Variants in PARP11 observed in about 807,000 individuals in gnomAD.
The protein encoded by PARP11 is poly(ADP-ribose) polymerase family member 11, also known as protein mono-ADP-ribosyltransferase PARP11.
Under a neutral mutation model 42.9 loss-of-function variants are expected in PARP11, and 31 were observed. That is an observed-to-expected ratio of 0.72 (90% CI 0.54 to 0.98). The LOEUF (loss-of-function observed/expected upper bound fraction) is 0.98, where lower values mean the gene tolerates loss of function less well. Among genes scored for constraint, PARP11 ranks in the 50% least tolerant of loss-of-function variants. The pLI, the probability that PARP11 is intolerant of heterozygous loss-of-function variation, is 0.00. For missense variants in PARP11, 365 were observed against 413.1 expected, an observed-to-expected ratio of 0.88 and a Z score of 1.01; for synonymous variants, 137 against 127.3, an observed-to-expected ratio of 1.08 and a Z score of -0.51.
Position 3,826,247 on chromosome 12 carries a change from CAAGAT to C in PARP11, c.269-19_269-15del, listed in dbSNP as rs977654584. 13 of 1,561,574 alleles carry C rather than the reference CAAGAT, an allele frequency of 8.3e-6. No homozygotes were observed. The African/African-American group carries it at 1.5e-4, about 18-fold the overall frequency. Reference sequence around the variant, plus strand: ...TTTGCTTCATTTCTGTATACAAAGACAAGATATTAGATAAGTCATAAAAGTACACT... The same window carrying C: ...TTTGCTTCATTTCTGTATACAAAGACATTAGATAAGTCATAAAAGTACACT... On this transcript the variant is annotated splice_polypyrimidine_tract_variant and intron_variant, in intron 3 of 7. Transcript: ENST00000228820.
chr12:3,852,156 G>C (rs1357815869), intron 1 of PARP11, among the ~76,000 whole-genome samples: 1 of 152,200 alleles, frequency 6.6e-6, no homozygotes, highest in Non-Finnish European at 1.5e-5. Flanking sequence ...ACCAAAGGTA[G>C]ATAAAACCAC....
Position 3,826,205 on chromosome 12 carries a change from T to C in PARP11, c.297A>G (p.Gly99=), listed in dbSNP as rs1188919083. 7.5e-6 allele frequency: 12 copies of C among 1,598,034 alleles called. No homozygotes were observed. Among genetic ancestry groups the C allele is most frequent in the Non-Finnish European group, 1.0e-5 (12 of 1,175,292 alleles). The change falls in exon 4 of 8, where the codon GGA becomes GGG. Residue 99 remains glycine (G), a synonymous_variant. Transcript: ENST00000228820. ...GGGCTCTTTTTATTAAGCGCTGCTTTCCAGTGGTGAGATTCATTTGCTTCA... is the reference window on the plus strand; with the variant it reads ...GGGCTCTTTTTATTAAGCGCTGCTTCCCAGTGGTGAGATTCATTTGCTTCA... ...AEMKQMNLTT[G]KQRLIKRAPF... is the part of the protein sequence containing the mutation.
chr12:3,872,592 A>G, intron 1 of PARP11: 1 of 985,378 alleles, frequency 1.0e-6, no homozygotes, highest in Non-Finnish European at 1.2e-6. Flanking sequence ...ACATCTAAGA[A>G]CATACAGTCC....
At chr12:3,827,792 A>G (rs1947557761) in intron 3 of PARP11, among the ~76,000 whole-genome samples, 1 of 152,158 alleles carries the variant, frequency 6.6e-6, no homozygotes, top group African/African-American at 2.4e-5. Flanking sequence ...GGATTTCCTA[A>G]CGTTTCACCA....
At chr12:3,841,704 C>T in intron 1 of PARP11, 1 of 1,612,994 alleles carries the variant, frequency 6.2e-7, no homozygotes, top group Non-Finnish European at 8.5e-7. Flanking sequence ...CTTTTGGACC[C>T]AATCCATTCT....
intron 1 of PARP11, among the ~76,000 whole-genome samples, chr12:3,859,915 T>C (rs1464653693): frequency 6.6e-6 from 1 of 152,200 alleles, no homozygotes; most frequent in African/African-American, 2.4e-5. Flanking sequence ...GTTATAAAGA[T>C]AACATGCATT....
chr12:3,828,210 A>C (rs191351727), intron 3 of PARP11, among the ~76,000 whole-genome samples: 116 of 152,348 alleles, frequency 7.6e-4, no homozygotes, highest in African/African-American at 2.6e-3. Context: ...AACTATTGCC[A>C]GCTACCTATG....
chr12:3,857,597 G>C (rs1271067217), intron 1 of PARP11, among the ~76,000 whole-genome samples: 1 of 151,318 alleles, frequency 6.6e-6, no homozygotes, highest in South Asian at 2.1e-4. Context: ...CGTCCTCACT[G>C]TATTCAAGGA....
At chr12:3,849,601 G>T (rs1396611356) in intron 1 of PARP11, among the ~76,000 whole-genome samples, 10 of 152,144 alleles carry the variant, frequency 6.6e-5, no homozygotes, top group Admixed American at 1.3e-4. Context: ...AGCTAAATAA[G>T]TGGAACTCAT....
At chr12:3,847,487 C>T (rs1303364121) in intron 1 of PARP11, among the ~76,000 whole-genome samples, 1 of 152,128 alleles carries the variant, frequency 6.6e-6, no homozygotes, top group Non-Finnish European at 1.5e-5. Context: ...AAGTGGGATT[C>T]ACATCCCAAG....
chr12:3,816,863 C>T lies in PARP11; in HGVS notation c.549-2675G>A, dbSNP rs1947297655. Among the ~76,000 whole-genome samples the T allele has an allele frequency of 2.6e-5, 4 of 152,126 alleles. No homozygotes were observed. The South Asian group carries it at 8.3e-4, about 32-fold the overall frequency. On this transcript the variant is annotated intron_variant, in intron 6 of 7. Coordinates refer to ENST00000228820, the MANE Select transcript of PARP11 (RefSeq NM_020367.6). The stretch of plus-strand genomic sequence containing the variant: ...GTTGTAATGAGCTGAGATTGTGCCA[C>T]CGCACTGCAGCCTGGGGAACAGAGC...
At chr12:3,872,547 GAAATGCTCCAGATCA>G in intron 1 of PARP11, 1 of 985,334 alleles carries the variant, frequency 1.0e-6, no homozygotes, top group Non-Finnish European at 1.2e-6. Flanking sequence ...ACTTGCAGTT[GAAATGCTCCAGATCA>G]CTTTGTCCAC....
intron 1 of PARP11, among the ~76,000 whole-genome samples, chr12:3,836,902 C>A (rs1242081934): frequency 6.6e-6 from 1 of 152,140 alleles, no homozygotes; most frequent in African/African-American, 2.4e-5. Context: ...GATTTCTACA[C>A]TGGAAAAAGT....
chr12:3,818,697 T>C (rs1225928458), intron 6 of PARP11, among the ~76,000 whole-genome samples: 6 of 152,256 alleles, frequency 3.9e-5, no homozygotes, highest in Non-Finnish European at 7.3e-5. Context: ...TCATCTAAGT[T>C]ACCAATGGCC....
intron 1 of PARP11, among the ~76,000 whole-genome samples, chr12:3,838,363 G>A (rs1947807300): frequency 6.6e-6 from 1 of 151,992 alleles, no homozygotes; most frequent in South Asian, 2.1e-4. Flanking sequence ...ACTAGCCAAT[G>A]AAGAAATTAA....
chr12:3,867,106 CAT>C (rs1427330786), intron 1 of PARP11, among the ~76,000 whole-genome samples: 15 of 152,104 alleles, frequency 9.9e-5, no homozygotes, highest in Non-Finnish European at 2.9e-5. Flanking sequence ...TGAGCTATGA[CAT>C]AAGTTGAAAA....
At chr12:3,830,193 T>C (rs1399224485) in intron 1 of PARP11, among the ~76,000 whole-genome samples, 175 bp from the exon 2 acceptor site, 10 of 152,240 alleles carry the variant, frequency 6.6e-5, no homozygotes, top group Admixed American at 5.9e-4. Flanking sequence ...ATTAAAAATG[T>C]TGGACATCAT....
intron 1 of PARP11, among the ~76,000 whole-genome samples, chr12:3,838,664 A>C (rs916340459): frequency 1.3e-5 from 2 of 152,258 alleles, no homozygotes; most frequent in Non-Finnish European, 2.9e-5. Flanking sequence ...ATGGTGCAAA[A>C]AGCCACATTT....
At chr12:3,843,388 A>C (rs1164710834) in intron 1 of PARP11, among the ~76,000 whole-genome samples, 1 of 152,260 alleles carries the variant, frequency 6.6e-6, no homozygotes, top group Non-Finnish European at 1.5e-5. Flanking sequence ...ATGCACTGAC[A>C]GATTCTAAAT....
Sources: gnomAD v4.1 joint callset for allele counts (sites outside exome capture counted in the v4.1 genomes callset) on GRCh38, gnomAD v4.1.1 for gene constraint, MANE v1.5 for transcripts, NCBI Gene and HGNC (gene_info 2026-07-23, HGNC 2026-07-21) for gene names.